Variants in CDH13 observed in about 807,000 individuals in gnomAD.
CDH13 encodes cadherin 13, also known as cadherin-13.
Under a neutral mutation model 63.8 loss-of-function variants are expected in CDH13, and 24 were observed. The observed-to-expected ratio is 0.38, with a 90% CI of 0.27 to 0.53. CDH13 has a LOEUF of 0.53. Ranked by LOEUF, CDH13 falls within the 20% of genes least tolerant of loss-of-function variation. The pLI is 0.85. For synonymous variants in CDH13, 503 were observed against 355.3 expected, an observed-to-expected ratio of 1.42 and a Z score of -4.67; for missense variants, 1,049 against 903.1, an observed-to-expected ratio of 1.16 and a Z score of -2.07.
chr16:82,752,186 C>T (rs1415157725), intron 1 of CDH13, among the ~76,000 whole-genome samples: 1 of 152,210 alleles, frequency 6.6e-6, no homozygotes, highest in African/African-American at 2.4e-5. Flanking sequence ...AAATTCTCTT[C>T]TCATTATGTA....
intron 10 of CDH13, among the ~76,000 whole-genome samples, chr16:83,732,646 G>C (rs1911150661): frequency 6.6e-6 from 1 of 152,172 alleles, no homozygotes; most frequent in Admixed American, 6.5e-5. Context: ...GGCAACTGAT[G>C]TTCCCACACG....
At chr16:83,231,074 C>G (rs1480865702) in intron 5 of CDH13, among the ~76,000 whole-genome samples, 1 of 152,082 alleles carries the variant, frequency 6.6e-6, no homozygotes, top group Non-Finnish European at 1.5e-5. Flanking sequence ...AGAGCAAGAC[C>G]TGGTGCTAGG....
chr16:83,769,733 T>C (rs961115281), intron 11 of CDH13, among the ~76,000 whole-genome samples: 1 of 152,148 alleles, frequency 6.6e-6, no homozygotes, highest in Non-Finnish European at 1.5e-5. Context: ...CGTGGAGATG[T>C]GCTTTGATCT....
chr16:83,759,637 T>C (rs1266977567), intron 11 of CDH13, among the ~76,000 whole-genome samples: 1 of 151,940 alleles, frequency 6.6e-6, no homozygotes, highest in African/African-American at 2.4e-5. Context: ...TACAAAGAAA[T>C]GCTGCAGGCC....
intron 8 of CDH13, among the ~76,000 whole-genome samples, chr16:83,618,913 A>C (rs1909547870): frequency 6.6e-6 from 1 of 152,198 alleles, no homozygotes; most frequent in Non-Finnish European, 1.5e-5. Flanking sequence ...AAAATAATTC[A>C]GGATTAATAT....
intron 6 of CDH13, among the ~76,000 whole-genome samples, chr16:83,436,584 G>C (rs1387430425): frequency 9.9e-5 from 15 of 152,222 alleles, no homozygotes; most frequent in Admixed American, 9.8e-4. Context: ...ATCTGAGAAT[G>C]AATCTGTTAG....
intron 5 of CDH13, among the ~76,000 whole-genome samples, chr16:83,245,082 C>T (rs921653590): frequency 6.6e-6 from 1 of 151,196 alleles, no homozygotes; most frequent in Non-Finnish European, 1.5e-5. Context: ...ATAGCAGTCC[C>T]ACACTTGCTA....
intron 11 of CDH13, among the ~76,000 whole-genome samples, chr16:83,773,318 T>C (rs893956158): frequency 2.6e-5 from 4 of 152,214 alleles, no homozygotes; most frequent in Non-Finnish European, 4.4e-5. Flanking sequence ...TACTACTGTA[T>C]AGCTACTACT....
chr16:83,065,083 A>G (rs1313188989), intron 3 of CDH13, among the ~76,000 whole-genome samples: 2 of 152,058 alleles, frequency 1.3e-5, no homozygotes, highest in African/African-American at 2.4e-5. Flanking sequence ...GATTTCCCAT[A>G]CAAGTGAGAT....
At chr16:83,613,527 C>G (rs1362421162) in intron 8 of CDH13, among the ~76,000 whole-genome samples, 1 of 152,150 alleles carries the variant, frequency 6.6e-6, no homozygotes, top group Non-Finnish European at 1.5e-5. Flanking sequence ...CTACTATACC[C>G]ATTTATTGAT....
intron 2 of CDH13, among the ~76,000 whole-genome samples, chr16:82,889,234 G>T (rs536835521): frequency 5.9e-5 from 9 of 151,918 alleles, no homozygotes; most frequent in African/African-American, 1.7e-4. Context: ...TTTTTAATTG[G>T]TTTTTACATG....
intron 1 of CDH13, among the ~76,000 whole-genome samples, chr16:82,702,787 T>C (rs777588926): frequency 3.3e-5 from 5 of 152,194 alleles, no homozygotes; most frequent in Non-Finnish European, 5.9e-5. Flanking sequence ...TTCCTCTGCC[T>C]GGAACCCTGT....
intron 1 of CDH13, among the ~76,000 whole-genome samples, chr16:82,818,684 G>C (rs2037846738): frequency 1.3e-5 from 2 of 152,182 alleles, no homozygotes; most frequent in South Asian, 4.2e-4. Context: ...TAGAAATCGG[G>C]CATTTTCCAA....
At chr16:82,825,802 C>G (rs1271483279) in intron 1 of CDH13, 1 of 151,898 alleles carries the variant, frequency 6.6e-6, no homozygotes, top group African/African-American at 2.4e-5. Context: ...CTGCCTCAGC[C>G]TCCCACAGTG....
chr16:83,110,854 C>T (rs1011156429), intron 3 of CDH13, among the ~76,000 whole-genome samples: 1 of 151,968 alleles, frequency 6.6e-6, no homozygotes, highest in South Asian at 2.1e-4. Flanking sequence ...GAGCATACCC[C>T]CAAAACCCTG....
chr16:83,467,481 G>T (rs902021), intron 6 of CDH13, among the ~76,000 whole-genome samples: 2 of 152,120 alleles, frequency 1.3e-5, no homozygotes, highest in Non-Finnish European at 1.5e-5. Flanking sequence ...AGGAGCTGGC[G>T]CCTTACAGCT....
At chr16:83,314,312 T>G (rs1431131598) in intron 5 of CDH13, among the ~76,000 whole-genome samples, 4 of 152,290 alleles carry the variant, frequency 2.6e-5, no homozygotes, top group African/African-American at 9.6e-5. Context: ...CAAATGTGTC[T>G]TAATGGGTAA....
intron 6 of CDH13, among the ~76,000 whole-genome samples, chr16:83,437,412 A>T (rs1278159317): frequency 6.6e-6 from 1 of 152,200 alleles, no homozygotes; most frequent in Non-Finnish European, 1.5e-5. Context: ...ACGGTGGCTC[A>T]TGCCTGTAAT....
intron 6 of CDH13, among the ~76,000 whole-genome samples, chr16:83,445,384 T>C (rs1229034072): frequency 2.0e-5 from 3 of 151,346 alleles, no homozygotes. Context: ...TTCCTAAGTT[T>C]TCCCTAAAAT....
Sources: gnomAD v4.1 joint callset for allele counts (sites outside exome capture counted in the v4.1 genomes callset) on GRCh38, gnomAD v4.1.1 for gene constraint, MANE v1.5 for transcripts, NCBI Gene and HGNC (gene_info 2026-07-23, HGNC 2026-07-21) for gene names.